NEGR1: variants seen among roughly 807,000 people sequenced by gnomAD.
NEGR1 encodes neuronal growth regulator 1.
NEGR1 carries 10 observed loss-of-function variants against 40.9 expected under a neutral mutation model. The observed-to-expected ratio is 0.24, with a 90% CI of 0.15 to 0.42. The LOEUF (loss-of-function observed/expected upper bound fraction) is 0.42. NEGR1 is among the 10% of genes least tolerant of loss of function. NEGR1 has a pLI of 1.00. For synonymous variants in NEGR1, 185 were observed against 166.8 expected, an observed-to-expected ratio of 1.11 and a Z score of -0.84; for missense variants, 352 against 438.9, an observed-to-expected ratio of 0.80 and a Z score of 1.77.
chr1:71,984,793 T>C (rs1185715048), intron 1 of NEGR1, among the ~76,000 whole-genome samples: 2 of 152,116 alleles, frequency 1.3e-5, no homozygotes, highest in South Asian at 2.1e-4. Flanking sequence ...ATATTTCCAG[T>C]CACAAGGCCA....
chr1:71,757,449 T>C (rs938367636), intron 3 of NEGR1, among the ~76,000 whole-genome samples: 2 of 152,136 alleles, frequency 1.3e-5, no homozygotes, highest in African/African-American at 4.8e-5. Flanking sequence ...ACTTTGGCTT[T>C]GTTTAGGTTA....
At chr1:71,703,880 T>C (rs1056610206) in intron 3 of NEGR1, among the ~76,000 whole-genome samples, 2 of 151,504 alleles carry the variant, frequency 1.3e-5, no homozygotes, top group African/African-American at 2.4e-5. Context: ...AAAAAATATA[T>C]TAAGAAATAA....
chr1:71,489,205 A>G (rs981154289), intron 6 of NEGR1, among the ~76,000 whole-genome samples: 6 of 151,948 alleles, frequency 3.9e-5, no homozygotes, highest in African/African-American at 1.4e-4. Context: ...GAATAATGGC[A>G]TATATTCAGC....
chr1:71,592,045 ACTCT>A (rs1157499008), intron 6 of NEGR1, among the ~76,000 whole-genome samples: 2 of 152,022 alleles, frequency 1.3e-5, no homozygotes, highest in Non-Finnish European at 2.9e-5. Flanking sequence ...AAGACAGTAT[ACTCT>A]CTCTAGTCTT....
chr1:71,559,017 G>GTGTGTA (rs1277924978), intron 6 of NEGR1, among the ~76,000 whole-genome samples: 22 of 51,602 alleles, frequency 4.3e-4, no homozygotes, highest in African/African-American at 9.1e-4. Context: ...CTCTGTGTGT[G>GTGTGTA]TGTATATATA....
At chr1:72,093,589 C>T (rs1212450601) in intron 1 of NEGR1, among the ~76,000 whole-genome samples, 1 of 152,066 alleles carries the variant, frequency 6.6e-6, no homozygotes, top group African/African-American at 2.4e-5. Context: ...ACTACATTTC[C>T]ATATCAAAAC....
intron 1 of NEGR1, among the ~76,000 whole-genome samples, chr1:72,023,519 G>A (rs1557488439): frequency 6.6e-6 from 1 of 151,672 alleles, no homozygotes; most frequent in African/African-American, 2.4e-5. Context: ...CTGTTTTTGT[G>A]TAAATGAGAG....
chr1:71,794,706 C>T (rs1178844304), intron 2 of NEGR1, among the ~76,000 whole-genome samples: 2 of 151,968 alleles, frequency 1.3e-5, no homozygotes, highest in African/African-American at 4.8e-5. Context: ...ATGTAAAACA[C>T]AAGCCAGATG....
At chr1:72,189,176 C>A (rs1652724102) in intron 1 of NEGR1, among the ~76,000 whole-genome samples, 1 of 151,324 alleles carries the variant, frequency 6.6e-6, no homozygotes, top group Non-Finnish European at 1.5e-5. Flanking sequence ...ATTTTATTTT[C>A]CTTTTAAATA....
chr1:72,147,320 C>A (rs930275949), intron 1 of NEGR1, among the ~76,000 whole-genome samples: 1 of 152,046 alleles, frequency 6.6e-6, no homozygotes, highest in East Asian at 1.9e-4. Context: ...TCTTACATGG[C>A]AGCAACAAGA....
intron 1 of NEGR1, among the ~76,000 whole-genome samples, chr1:72,021,304 C>T (rs545611578): frequency 6.6e-6 from 1 of 151,970 alleles, no homozygotes; most frequent in South Asian, 2.1e-4. Context: ...AAATTATAAT[C>T]ATATTATATC....
In NEGR1 at chr1:72,119,725, T is replaced by G. The variant is rs560266218; in HGVS notation, c.176+162594A>C. Reference sequence around the variant, plus strand: ...AGCTGGCAGGGGGTTGTTCTTGGCATGTAGTGGATACTGTTAAATGTCCCA... The same window carrying G: ...AGCTGGCAGGGGGTTGTTCTTGGCAGGTAGTGGATACTGTTAAATGTCCCA... On this transcript the variant is annotated intron_variant, in intron 1 of 6. Coordinates refer to ENST00000357731, the MANE Select transcript of NEGR1 (RefSeq NM_173808.3). Among the ~76,000 whole-genome samples the G allele has an allele frequency of 5.9e-4, 89 of 152,040 alleles. 1 individual carries two copies. The highest frequency in any genetic ancestry group is 3.5e-3 in the South Asian group (17 of 4,828).
intron 2 of NEGR1, among the ~76,000 whole-genome samples, chr1:71,847,770 C>T (rs533890517): frequency 4.6e-5 from 7 of 152,200 alleles, no homozygotes; most frequent in South Asian, 4.1e-4. Context: ...GAGTCACATG[C>T]TTTAATCAGA....
At chr1:71,511,249 G>C (rs1343923487) in intron 6 of NEGR1, among the ~76,000 whole-genome samples, 1 of 152,208 alleles carries the variant, frequency 6.6e-6, no homozygotes, top group Non-Finnish European at 1.5e-5. Flanking sequence ...AGTAAGTTTT[G>C]AGAATCCTGA....
intron 4 of NEGR1, among the ~76,000 whole-genome samples, chr1:71,628,983 TC>T (rs1650882108): frequency 1.3e-5 from 2 of 152,262 alleles, no homozygotes; most frequent in South Asian, 4.1e-4. Flanking sequence ...GCTTGAGGAA[TC>T]ACCACACTGT....
intron 1 of NEGR1, among the ~76,000 whole-genome samples, chr1:72,049,984 T>C (rs1006048413): frequency 1.3e-5 from 2 of 151,552 alleles, no homozygotes; most frequent in African/African-American, 4.8e-5. Context: ...CTTTTGTTGA[T>C]TTGTAGTTGA....
intron 1 of NEGR1, among the ~76,000 whole-genome samples, chr1:71,979,607 C>T (rs1421274183): frequency 6.6e-6 from 1 of 151,994 alleles, no homozygotes; most frequent in Admixed American, 6.6e-5. Context: ...AAGAACAACC[C>T]ACAAAGACAA....
rs1378570831 is a variant in NEGR1 at position 71,754,587 on chromosome 1, C to T, written c.535+21585G>A. 2.6e-5 allele frequency among the ~76,000 whole-genome samples: 4 copies of T among 152,158 alleles called. No individual in the cohort carries two copies. In the East Asian group the frequency reaches 5.8e-4, roughly 22 times the overall value. On this transcript the variant is annotated intron_variant, in intron 3 of 6. Coordinates refer to ENST00000357731, the MANE Select transcript of NEGR1 (RefSeq NM_173808.3). ...CTATCTGGAACCCTAAACAGCAGTC[C>T]AGCAAATATCCCACTTTTCTTCTCT...
intron 2 of NEGR1, among the ~76,000 whole-genome samples, chr1:71,804,370 C>T (rs1657674878): frequency 1.3e-5 from 2 of 152,092 alleles, no homozygotes; most frequent in African/African-American, 4.8e-5. Flanking sequence ...GGCCATGGTC[C>T]AGTAGCTGGC....
Sources: allele counts gnomAD v4.1 joint callset (sites outside exome capture counted in the v4.1 genomes callset), GRCh38; gene constraint gnomAD v4.1.1; transcripts MANE v1.5; gene names NCBI Gene and HGNC (gene_info 2026-07-23, HGNC 2026-07-21).